The following OXSR1 variants were observed in gnomAD, a reference collection of about 807,000 sequenced individuals.
The protein encoded by OXSR1 is oxidative stress responsive kinase 1.
In OXSR1, 24 loss-of-function variants were observed where a neutral mutation model predicts 79.8. The ratio of observed to expected loss-of-function variants is 0.30; its 90% confidence interval spans 0.22 to 0.42. OXSR1 has a LOEUF of 0.42. Ranked by LOEUF, OXSR1 falls within the 10% of genes least tolerant of loss-of-function variation. OXSR1 has a pLI of 1.00. For missense variants in OXSR1, 430 were observed against 618.4 expected (o/e 0.70, Z 3.23); for synonymous variants, 226 against 209.2 (o/e 1.08, Z -0.69).
intron 1 of OXSR1, among the ~76,000 whole-genome samples, chr3:38,176,811 ATTG>A (rs964398760): frequency 2.6e-5 from 4 of 152,238 alleles, no homozygotes; most frequent in South Asian, 2.1e-4. Flanking sequence ...TGTTTGGTGT[ATTG>A]TTATTAGTGA....
intron 3 of OXSR1, chr3:38,193,403 G>T (rs1461061285): frequency 7.0e-6 from 9 of 1,287,530 alleles, no homozygotes; most frequent in Non-Finnish European, 9.1e-6. Context: ...AGTATGGAGA[G>T]ATATGGGAGT....
At chr3:38,215,377 A>G (rs1702463218) in intron 4 of OXSR1, among the ~76,000 whole-genome samples, 1 of 152,184 alleles carries the variant, frequency 6.6e-6, no homozygotes, top group Non-Finnish European at 1.5e-5. Context: ...TAGGTTATCA[A>G]GAAATGGTTT....
At chr3:38,232,228 T>A (rs1173886349) in intron 10 of OXSR1, among the ~76,000 whole-genome samples, 1 of 151,970 alleles carries the variant, frequency 6.6e-6, no homozygotes, top group East Asian at 1.9e-4. Context: ...AAGGCTAGCC[T>A]GAGCAACATA....
At chr3:38,188,005 A>T (rs913095756) in intron 2 of OXSR1, among the ~76,000 whole-genome samples, 3 of 152,220 alleles carry the variant, frequency 2.0e-5, no homozygotes, top group African/African-American at 7.2e-5. Context: ...GGAGGAAAGG[A>T]TAACTCTACT....
At chr3:38,192,142 A>G (rs2125815125) in intron 3 of OXSR1, among the ~76,000 whole-genome samples, 1 of 152,212 alleles carries the variant, frequency 6.6e-6, no homozygotes, top group East Asian at 1.9e-4. Flanking sequence ...AGACCCAAGG[A>G]TTTTTATGTA....
chr3:38,205,808 A>G (rs1702255040), intron 4 of OXSR1, among the ~76,000 whole-genome samples: 1 of 152,226 alleles, frequency 6.6e-6, no homozygotes, highest in African/African-American at 2.4e-5. Flanking sequence ...GCAGAACCCC[A>G]TAGAGTCTCA....
chr3:38,207,276 G>C (rs1039375400), intron 4 of OXSR1, among the ~76,000 whole-genome samples: 1 of 152,182 alleles, frequency 6.6e-6, no homozygotes, highest in Non-Finnish European at 1.5e-5. Flanking sequence ...CAGGGCTGTA[G>C]AAGATAATTT....
At chr3:38,188,064 A>T (rs942420169) in intron 2 of OXSR1, among the ~76,000 whole-genome samples, 1 of 152,236 alleles carries the variant, frequency 6.6e-6, no homozygotes, top group Non-Finnish European at 1.5e-5. Context: ...AAAGGAATAG[A>T]AGGCAAGAAA....
chr3:38,245,692 A>C (rs2125853182), intron 12 of OXSR1, among the ~76,000 whole-genome samples: 2 of 152,288 alleles, frequency 1.3e-5, no homozygotes, highest in African/African-American at 4.8e-5. Flanking sequence ...AGAAATTAGG[A>C]TCAGTTGTTG....
In OXSR1 at chr3:38,224,579, G is replaced by C; in HGVS notation, c.711G>C (p.Met237Ile). The C allele has an allele frequency of 6.3e-7, 1 of 1,582,296 alleles. No homozygotes were observed. Among genetic ancestry groups the C allele is most frequent in the East Asian group, 2.3e-5 (1 of 43,382 alleles). Residue 237 changes from methionine to isoleucine, a missense_variant, in exon 8 of 18, where the codon ATG (methionine) becomes ATC (isoleucine). Around this residue, in one of 3 missense-constraint regions of OXSR1, gnomAD observed 276 missense variants for 354.2 expected, o/e 0.78. Transcript: ENST00000311806. ...ATTGAAAATTCTTGCAGGTTTTAAT[G>C]CTGACACTGCAGAACGATCCTCCTT... is the stretch of plus-strand genomic sequence containing the variant. ...YHKYPPMKVL[M>I]LTLQNDPPSL...
chr3:38,186,771 C>G (rs1204992958), intron 2 of OXSR1, among the ~76,000 whole-genome samples: 1 of 152,126 alleles, frequency 6.6e-6, no homozygotes, highest in Non-Finnish European at 1.5e-5. Flanking sequence ...TGATGAACAT[C>G]TGTGTGCAAG....
At chr3:38,250,309 A>C (rs1275735580) in intron 15 of OXSR1, 5 of 286,812 alleles carry the variant, frequency 1.7e-5, no homozygotes, top group Non-Finnish European at 2.6e-5. Flanking sequence ...ACAGCAGTCT[A>C]CTAAGGAAAA....
chr3:38,188,363 CT>C (rs1701922153), intron 2 of OXSR1, among the ~76,000 whole-genome samples: 1 of 152,010 alleles, frequency 6.6e-6, no homozygotes, highest in African/African-American at 2.4e-5. Flanking sequence ...CTTTTTTAAC[CT>C]TTTCTTTTGA....
intron 10 of OXSR1, among the ~76,000 whole-genome samples, chr3:38,234,224 A>G (rs924098766): frequency 6.6e-6 from 1 of 152,244 alleles, no homozygotes; most frequent in Non-Finnish European, 1.5e-5. Context: ...CAAAAATACA[A>G]GCAATAAAAG....
At chr3:38,214,336 A>G (rs1702443472) in intron 4 of OXSR1, among the ~76,000 whole-genome samples, 1 of 152,182 alleles carries the variant, frequency 6.6e-6, no homozygotes, top group African/African-American at 2.4e-5. Flanking sequence ...AAGTAAGTAC[A>G]GGTGACTATA....
intron 4 of OXSR1, among the ~76,000 whole-genome samples, chr3:38,205,471 T>C (rs1702248877): frequency 6.6e-6 from 1 of 152,222 alleles, no homozygotes; most frequent in Admixed American, 6.5e-5. Flanking sequence ...CCTATGCTCA[T>C]GTGCACATCC....
At chr3:38,212,288 T>C (rs1050028834) in intron 4 of OXSR1, among the ~76,000 whole-genome samples, 4 of 152,194 alleles carry the variant, frequency 2.6e-5, no homozygotes, top group Admixed American at 2.0e-4. Flanking sequence ...ATCTTCAAAG[T>C]CCATTTGTGA....
intron 12 of OXSR1, among the ~76,000 whole-genome samples, chr3:38,245,493 A>G (rs1162569275): frequency 1.3e-5 from 2 of 152,238 alleles, no homozygotes; most frequent in Non-Finnish European, 2.9e-5. Context: ...GTCCTCATGC[A>G]TGGAAAAATA....
At chr3:38,164,310 G>T (rs1701383187), upstream of OXSR1, among the ~76,000 whole-genome samples, 1 of 152,096 alleles carries the variant, frequency 6.6e-6, no homozygotes, top group Admixed American at 6.5e-5. Flanking sequence ...CACGCCCAGC[G>T]ATTTTTCTGT....
Sources: gnomAD v4.1 joint callset for allele counts (sites outside exome capture counted in the v4.1 genomes callset) on GRCh38, gnomAD v4.1.1 for gene constraint, gnomAD v4.1.1 regional missense constraint, MANE v1.5 for transcripts, NCBI Gene and HGNC (gene_info 2026-07-23, HGNC 2026-07-21) for gene names.